Variants in WDR35 observed in about 807,000 individuals in gnomAD.
The protein encoded by WDR35 is WD repeat-containing protein 35.
A neutral mutation model predicts 158.3 loss-of-function variants in WDR35; 118 were observed. The observed-to-expected ratio is 0.75, with a 90% CI of 0.64 to 0.87. WDR35 has a LOEUF of 0.87. Ranked by LOEUF, WDR35 falls within the 40% of genes least tolerant of loss-of-function variation. The pLI is 0.00. For synonymous variants in WDR35, 448 were observed against 476.1 expected, an observed-to-expected ratio of 0.94 and a Z score of 0.77; for missense variants, 1,263 against 1,405.8, an observed-to-expected ratio of 0.90 and a Z score of 1.62.
intron 11 of WDR35, among the ~76,000 whole-genome samples, chr2:19,960,128 T>C (rs1033029794): frequency 1.3e-5 from 2 of 152,072 alleles, no homozygotes; most frequent in African/African-American, 4.8e-5. Flanking sequence ...CAAAGTGTTT[T>C]TATGGAAGAG....
Position 19,936,297 on chromosome 2 carries a change from C to G in WDR35, c.2336G>C (p.Gly779Ala). The G allele has an allele frequency of 6.2e-7, 1 of 1,614,002 alleles. No individual in the cohort carries two copies. The highest frequency in any genetic ancestry group is 8.5e-7 in the Non-Finnish European group (1 of 1,179,942). The change falls in exon 20 of 27, where the codon GGA (glycine) becomes GCA (alanine). Residue 779 changes from glycine (G) to alanine (A), a missense_variant. Coordinates refer to ENST00000281405, the MANE Select transcript of WDR35 (RefSeq NM_020779.4). ...WFRVLQLLKT[G>A]SGDADDSLLE... ...GAGACTGTCATCTGCATCACCAGATCCAGTTTTCAGGAGCTGGAGTACTCT... is the reference window on the plus strand; with the variant it reads ...GAGACTGTCATCTGCATCACCAGATGCAGTTTTCAGGAGCTGGAGTACTCT...
chr2:19,941,562 A>G (rs1285242778), intron 17 of WDR35, among the ~76,000 whole-genome samples, 197 bp downstream of exon 17: 4 of 152,164 alleles, frequency 2.6e-5, no homozygotes, highest in Non-Finnish European at 5.9e-5. Context: ...CATTTTTATC[A>G]TCATTTTACA....
At chr2:19,946,235 T>C (rs1040495058) in intron 15 of WDR35, among the ~76,000 whole-genome samples, 16 of 152,110 alleles carry the variant, frequency 1.1e-4, no homozygotes, top group African/African-American at 3.9e-4. Flanking sequence ...AAATATAAAA[T>C]AGTCTCAATG....
intron 12 of WDR35, 32 bp from the exon 13 acceptor site, chr2:19,951,516 T>G: frequency 6.5e-7 from 1 of 1,534,596 alleles, no homozygotes. Flanking sequence ...CAAAGAAAGT[T>G]TAAGTATAGT....
intron 2 of WDR35, among the ~76,000 whole-genome samples, chr2:19,988,100 A>T (rs999989730): frequency 6.6e-6 from 1 of 152,120 alleles, no homozygotes; most frequent in African/African-American, 2.4e-5. Context: ...AATGTGAGAC[A>T]AACTTAGTTT....
At chr2:19,987,107 T>C (rs1007595372) in intron 2 of WDR35, among the ~76,000 whole-genome samples, 2 of 152,232 alleles carry the variant, frequency 1.3e-5, no homozygotes, top group African/African-American at 4.8e-5. Context: ...AGATGATTTA[T>C]GGACGTAGAG....
chr2:19,964,381 C>CTTTTTTTTTTTTTT (rs558586617), intron 10 of WDR35, among the ~76,000 whole-genome samples: 85 of 113,428 alleles, frequency 7.5e-4, no homozygotes, highest in Non-Finnish European at 1.1e-3. Context: ...CTTTTCTTTT[C>CTTTTTTTTTTTTTT]TTTTTTTTTT....
At chr2:19,940,189 C>CAAA (rs1197342596) in intron 17 of WDR35, among the ~76,000 whole-genome samples, 2 of 80,210 alleles carry the variant, frequency 2.5e-5, no homozygotes, top group Non-Finnish European at 5.4e-5. Context: ...CCCATCTCTA[C>CAAA]AAAAAAAAAA....
At position 19,913,511 on chromosome 2, in the gene WDR35, T is replaced by G; in HGVS notation, c.*47A>C. 6.3e-7 allele frequency: 1 copy of G among 1,586,976 alleles called. No homozygotes were observed. Among genetic ancestry groups the G allele is most frequent in the Non-Finnish European group, 8.7e-7 (1 of 1,155,280 alleles). ...ATTACATATACAGCATATAGCCATG[T>G]ATATATGCTACATATATTTTACAGT... On this transcript the variant is annotated 3_prime_UTR_variant, in exon 27 of 27. Coordinates refer to ENST00000281405, the MANE Select transcript of WDR35 (RefSeq NM_020779.4).
intron 10 of WDR35, chr2:19,962,360 T>A: frequency 3.1e-6 from 5 of 1,610,682 alleles, no homozygotes; most frequent in Non-Finnish European, 4.2e-6. Context: ...CAGGAGAAAT[T>A]CAGAAAAATT....
rs371992626 is a variant in WDR35, at chr2:19,982,563, A to T, written c.143-29T>A. On this transcript the variant is annotated intron_variant, in intron 2 of 26. Transcript: ENST00000281405. ...AAACAAAACAAAACAAACTACTATG[A>T]TAAATATGTAAAAGTGACATATTAT... 107 of 1,606,258 alleles carry T rather than the reference A, an allele frequency of 6.7e-5. No individual in the cohort carries two copies. The African/African-American group carries it at 1.3e-3, about 20-fold the overall frequency.
rs367804125 is a variant in WDR35, at chr2:19,980,340, C to T, written c.307+351G>A. Among the ~76,000 whole-genome samples, 16 of 152,076 alleles carry T rather than the reference C, an allele frequency of 1.1e-4. 1 individual carries two copies. The South Asian group carries it at 3.3e-3, about 32-fold the overall frequency. On this transcript the variant is annotated intron_variant, in intron 4 of 26. Transcript: ENST00000281405. ...AACCAATATTAAATACACACTCACA[C>T]ACACATGAATGTAATTATAAACTGG...
In WDR35 at chr2:19,932,340, G is replaced by A; in HGVS notation, c.2766C>T (p.Ala922=). 1 of 1,613,182 alleles carries A rather than the reference G, an allele frequency of 6.2e-7. No individual in the cohort carries two copies. Among genetic ancestry groups the A allele is most frequent in the Non-Finnish European group, 8.5e-7 (1 of 1,179,518 alleles). The change falls in exon 23 of 27, where the codon GCC becomes GCT. Residue 922 remains alanine, a synonymous_variant. Coordinates refer to ENST00000281405, the MANE Select transcript of WDR35 (RefSeq NM_020779.4). ...HLLEKNKTLD[A]IELYRKANYF... is the part of the protein sequence containing the mutation. ...AATTGGCTTTCCGATAGAGTTCTAT[G>A]GCATCAAGAGTTTTATTCTTTTCCA...
Position 19,966,736 on chromosome 2 carries a change from T to C in WDR35, c.1182A>G (p.Glu394=), listed in dbSNP as rs763426440. The C allele has an allele frequency of 1.2e-6, 2 of 1,613,842 alleles. No homozygotes were observed. The highest frequency in any genetic ancestry group is 1.7e-6 in the Non-Finnish European group (2 of 1,179,882). ...AAGAAACACCTACCTGAGGATGATT[T>C]TCATCAGCTTTTGTAGCCAAAATGC... ...DFCILATKAD[E]NHPQFVLVLC... The change falls in exon 10 of 27, where the codon GAA becomes GAG. Residue 394 remains glutamate (E), a synonymous_variant. Coordinates refer to ENST00000281405, the MANE Select transcript of WDR35 (RefSeq NM_020779.4).
Position 19,913,660 on chromosome 2 carries a change from A to G in WDR35, c.3411T>C (p.Thr1137=), listed in dbSNP as rs750184851. ...CACTGCACATCCAGAATTGATACTC[A>G]GTGATTGGGCTTCCTGTGGCAACGC... ...PTCVATGSPI[T]EYQFWMCSVC... is the part of the protein sequence containing the mutation. Residue 1137 remains threonine (T), a synonymous_variant, in exon 27 of 27, where the codon ACT becomes ACC. Coordinates refer to ENST00000281405, the MANE Select transcript of WDR35 (RefSeq NM_020779.4). The G allele has an allele frequency of 1.2e-6, 2 of 1,614,038 alleles. No individual in the cohort carries two copies. The highest frequency in any genetic ancestry group is 1.7e-6 in the Non-Finnish European group (2 of 1,179,886).
chr2:19,956,899 G>A (rs951000480), intron 11 of WDR35, among the ~76,000 whole-genome samples: 7 of 152,196 alleles, frequency 4.6e-5, no homozygotes, highest in Non-Finnish European at 5.9e-5. Flanking sequence ...GATTACAGGC[G>A]TGAGCCACCG....
intron 13 of WDR35, among the ~76,000 whole-genome samples, chr2:19,949,344 G>A (rs188801872): frequency 4.1e-4 from 63 of 152,260 alleles, no homozygotes; most frequent in African/African-American, 1.5e-3. Flanking sequence ...CTTACAGAAA[G>A]CTTGTAATTG....
At chr2:19,933,852 A>G (rs1006799947) in intron 21 of WDR35, among the ~76,000 whole-genome samples, 1 of 152,196 alleles carries the variant, frequency 6.6e-6, no homozygotes, top group Non-Finnish European at 1.5e-5. Context: ...CTTTATATCA[A>G]TTGGTGGTAT....
intron 25 of WDR35, among the ~76,000 whole-genome samples, chr2:19,924,454 A>C (rs1223350493): frequency 6.6e-6 from 1 of 152,198 alleles, no homozygotes; most frequent in Admixed American, 6.5e-5. Context: ...GTGCCAGCTA[A>C]TCAGGAGGCT....
Sources: gnomAD v4.1 joint callset for allele counts (sites outside exome capture counted in the v4.1 genomes callset) on GRCh38, gnomAD v4.1.1 for gene constraint, MANE v1.5 for transcripts, NCBI Gene and HGNC (gene_info 2026-07-23, HGNC 2026-07-21) for gene names.